HERC2: variants seen among roughly 807,000 people sequenced by gnomAD.
HERC2 encodes the protein HECT and RLD domain containing E3 ubiquitin protein ligase 2, also known as E3 ubiquitin-protein ligase HERC2.
Under a neutral mutation model 537.7 loss-of-function variants are expected in HERC2, and 102 were observed. That is an observed-to-expected ratio of 0.19 (90% confidence interval 0.16 to 0.22). The LOEUF (loss-of-function observed/expected upper bound fraction) is 0.22, where lower values mean the gene tolerates loss of function less well. Among genes scored for constraint, HERC2 ranks in the 10% least tolerant of loss-of-function variants. HERC2 has a pLI of 1.00. For synonymous variants in HERC2, 2,224 were observed against 2,466.2 expected (o/e 0.90, Z 2.91); for missense variants, 4,236 against 6,198.2 (o/e 0.68, Z 10.63).
intron 68 of HERC2, 72 bp downstream of exon 68, chr15:28,167,602 TGTTCCACTCCTAA>T: frequency 6.7e-7 from 1 of 1,496,856 alleles, no homozygotes; most frequent in Non-Finnish European, 9.3e-7. Flanking sequence ...GAATAGACTG[TGTTCCACTCCTAA>T]GTTCTATTTC....
At position 28,176,885 on chromosome 15, in the gene HERC2, C is replaced by G. The variant is rs1354615382; in HGVS notation, c.9432+65G>C. Reference sequence around the variant, plus strand: ...TTTATGAACTTTCCTAGACTTGAAGCTTATTTTCTCTTGACATCTTCAGAT... The same window carrying G: ...TTTATGAACTTTCCTAGACTTGAAGGTTATTTTCTCTTGACATCTTCAGAT... On this transcript the variant is annotated intron_variant, in intron 61 of 92. Transcript: ENST00000261609. The surrounding 1 kb of genome is among the most constrained non-coding windows in gnomAD (Gnocchi z 5.0). 1.5e-5 allele frequency: 23 copies of G among 1,584,418 alleles called. No individual in the cohort carries two copies. The highest frequency in any genetic ancestry group is 2.0e-5 in the Non-Finnish European group (23 of 1,159,052).
At chr15:28,191,881 G>A in intron 53 of HERC2, 80 bp downstream of exon 53, 2 of 1,300,066 alleles carry the variant, frequency 1.5e-6, no homozygotes, top group Non-Finnish European at 2.1e-6. Flanking sequence ...TTTGCAGGCT[G>A]CTCAAAGTTC....
chr15:28,291,129 T>C (rs2076299483), intron 4 of HERC2, among the ~76,000 whole-genome samples: 1 of 152,240 alleles, frequency 6.6e-6, no homozygotes, highest in African/African-American at 2.4e-5. Context: ...TAGTACATGC[T>C]GGTACTTACT....
chr15:28,263,305 C>T (rs2075463725), intron 14 of HERC2, 136 bp from the exon 15 acceptor site: 1 of 898,146 alleles, frequency 1.1e-6, no homozygotes, highest in Non-Finnish European at 1.7e-6. Context: ...ACAAGGGTGG[C>T]TACTGAGCAA....
At chr15:28,292,803 A>T in intron 4 of HERC2, 85 bp downstream of exon 4, 1 of 1,351,882 alleles carries the variant, frequency 7.4e-7, no homozygotes, top group Non-Finnish European at 1.0e-6. Context: ...AATTGTTACC[A>T]AAAAAATACT....
intron 4 of HERC2, among the ~76,000 whole-genome samples, chr15:28,286,339 T>C (rs974887196): frequency 2.0e-5 from 3 of 152,022 alleles, no homozygotes; most frequent in Middle Eastern, 3.2e-3. Context: ...CAGAACAATA[T>C]ATATACAGAG....
At chr15:28,143,629 G>A (rs1475725788) in intron 74 of HERC2, among the ~76,000 whole-genome samples, 1 of 151,866 alleles carries the variant, frequency 6.6e-6, no homozygotes. Context: ...TGTATTTTTA[G>A]TAGAGTCAGG....
In HERC2 at chr15:28,174,513, G is replaced by C. The variant is rs117437554; in HGVS notation, c.9939C>G (p.Arg3313=). ...VQGLEGQKIT[R]VACGSSHSVA... ...CACTGTGGGACGACCCACAAGCCAC[G>C]CGTGTGATCTTCTGGCCTTCTAAGC... The change falls in exon 65 of 93, where the codon CGC becomes CGG. Residue 3313 remains arginine, a synonymous_variant. Coordinates refer to ENST00000261609, the MANE Select transcript of HERC2 (RefSeq NM_004667.6). 5 of 1,613,428 alleles carry C rather than the reference G, an allele frequency of 3.1e-6. No individual in the cohort carries two copies. In the South Asian group the frequency reaches 5.5e-5, roughly 18 times the overall value.
In HERC2 at chr15:28,174,474, A is replaced by T; in HGVS notation, c.9978T>A (p.Thr3326=). The change falls in exon 65 of 93, where the codon ACT becomes ACA. Residue 3326 remains threonine (T), a synonymous_variant. Transcript: ENST00000261609. ...GGACAGAGGGCGTGGCCACATCCAC[A>T]GTTGTCCACGCCACACTGTGGGACG... ...CGSSHSVAWT[T]VDVATPSVHE... is the part of the protein sequence containing the mutation. 1.9e-6 allele frequency: 3 copies of T among 1,613,952 alleles called. No individual in the cohort carries two copies. The highest frequency in any genetic ancestry group is 1.7e-6 in the Non-Finnish European group (2 of 1,179,910).
At chr15:28,204,743 G>A (rs1423677786) in intron 45 of HERC2, among the ~76,000 whole-genome samples, 2 of 152,124 alleles carry the variant, frequency 1.3e-5, no homozygotes, top group African/African-American at 4.8e-5. Context: ...AGTATGTCTT[G>A]GATGGATATA....
chr15:28,235,540 C>T (rs1902339390), intron 26 of HERC2, among the ~76,000 whole-genome samples: 1 of 152,178 alleles, frequency 6.6e-6, no homozygotes, highest in African/African-American at 2.4e-5. Flanking sequence ...TCCCCGCAAG[C>T]CTTCTGCGAC....
chr15:28,112,190 G>A (rs1348138541), intron 92 of HERC2, among the ~76,000 whole-genome samples, 155 bp from the exon 93 acceptor site: 1 of 152,196 alleles, frequency 6.6e-6, no homozygotes, highest in African/African-American at 2.4e-5. Context: ...GTAACGAGGA[G>A]CAATTAATTC....
chr15:28,113,631 G>A lies in HERC2; in HGVS notation c.13961C>T (p.Ala4654Val). The A allele has an allele frequency of 6.2e-7, 1 of 1,614,194 alleles. No individual in the cohort carries two copies. The highest frequency in any genetic ancestry group is 8.5e-7 in the Non-Finnish European group (1 of 1,180,020). Reference sequence around the variant, plus strand: ...GAGGAGGGGAACAGGCACAACGCGGGCCATTCCTTCCCGAACAGCAGCCAC... The same window carrying A: ...GAGGAGGGGAACAGGCACAACGCGGACCATTCCTTCCCGAACAGCAGCCAC... The part of the protein sequence containing the change: ...EQVAAVREGM[A>V]RVVPVPLLSL... The change falls in exon 91 of 93, where the codon GCC becomes GTC. Residue 4654 changes from alanine to valine, a missense_variant. By Grantham distance (64) the Ala-to-Val change is moderately conservative. Transcript: ENST00000261609. The surrounding 1 kb of genome is among the most constrained non-coding windows in gnomAD (Gnocchi z 7.0).
intron 78 of HERC2, among the ~76,000 whole-genome samples, chr15:28,140,231 C>T (rs562290967): frequency 1.8e-4 from 27 of 152,208 alleles, no homozygotes; most frequent in Admixed American, 1.4e-3. Context: ...AGCCTGGGAA[C>T]GCTCCATCTG....
At chr15:28,169,828 C>T (rs1185315365) in intron 65 of HERC2, among the ~76,000 whole-genome samples, 173 bp from the exon 66 acceptor site, 1 of 152,154 alleles carries the variant, frequency 6.6e-6, no homozygotes, top group Non-Finnish European at 1.5e-5. Flanking sequence ...ACCACTTATC[C>T]ATACTTCGAT....
At chr15:28,310,923 A>G (rs1312112443) in intron 2 of HERC2, among the ~76,000 whole-genome samples, 1 of 151,836 alleles carries the variant, frequency 6.6e-6, no homozygotes, top group Non-Finnish European at 1.5e-5. Context: ...TAAAAATACA[A>G]AAAATTAGCC....
intron 14 of HERC2, among the ~76,000 whole-genome samples, chr15:28,264,239 G>C (rs2075499024): frequency 6.6e-6 from 1 of 152,146 alleles, no homozygotes; most frequent in African/African-American, 2.4e-5. Context: ...CAACTACCCA[G>C]CTGTGCCACT....
rs1451772766 is a variant in HERC2 at position 28,142,263 on chromosome 15, G to C, written c.11675C>G (p.Pro3892Arg). The C allele has an allele frequency of 6.2e-7, 1 of 1,614,204 alleles. No homozygotes were observed. ...CTCATCAAGAAACAGACGGGGCAAC[G>C]GTGTTCTTTTGTCAAGGGCCACAGC... The part of the protein sequence containing the change: ...RVAVALDKRT[P>R]LPRLFLDEVA... Residue 3892 changes from proline to arginine, a missense_variant, in exon 76 of 93, where the codon CCG becomes CGG. By Grantham distance (103) the Pro-to-Arg change is moderately radical (BLOSUM62 -2). Transcript: ENST00000261609.
chr15:28,232,945 C>T (rs1350813554), intron 30 of HERC2, among the ~76,000 whole-genome samples: 1 of 152,198 alleles, frequency 6.6e-6, no homozygotes, highest in African/African-American at 2.4e-5. Flanking sequence ...CACTCAATTC[C>T]TAAACTGTCT....
Sources: gnomAD v4.1 joint callset for allele counts (sites outside exome capture counted in the v4.1 genomes callset) on GRCh38, gnomAD v4.1.1 for gene constraint, Gnocchi (gnomAD v3.1) non-coding constraint, MANE v1.5 for transcripts, NCBI Gene and HGNC (gene_info 2026-07-23, HGNC 2026-07-21) for gene names.